The following ZFP1 variants were observed in gnomAD, a reference collection of about 807,000 sequenced individuals.
ZFP1 encodes the protein ZFP1 zinc finger protein.
Under a neutral mutation model 38.5 loss-of-function variants are expected in ZFP1, and 32 were observed. That is an observed-to-expected ratio of 0.83 (90% CI 0.63 to 1.12). The LOEUF (loss-of-function observed/expected upper bound fraction) is 1.12, where lower values mean the gene tolerates loss of function less well. Among genes scored for constraint, ZFP1 ranks in the 50% most tolerant of loss-of-function variants. The pLI is 0.00. For synonymous variants in ZFP1, 245 were observed against 168.8 expected (o/e 1.45, Z -3.50); for missense variants, 616 against 480.8 (o/e 1.28, Z -2.63).
chr16:75,133,055 A>G, the ZFP1 span, among the ~76,000 whole-genome samples: 4 of 150,962 alleles, frequency 2.6e-5, no homozygotes, highest in Non-Finnish European at 4.4e-5. Context: ...TTGGCTCACC[A>G]CAACCTCTAC....
the ZFP1 span, among the ~76,000 whole-genome samples, chr16:75,138,463 A>G: frequency 6.6e-6 from 1 of 152,218 alleles, no homozygotes; most frequent in East Asian, 1.9e-4. Flanking sequence ...CAAGGTCGAT[A>G]TTAACACTCA....
At chr16:75,167,789 A>G (rs2145578728) in intron 3 of ZFP1, among the ~76,000 whole-genome samples, 1 of 152,218 alleles carries the variant, frequency 6.6e-6, no homozygotes, top group African/African-American at 2.4e-5. Flanking sequence ...TGTAGAGACA[A>G]GTTCTCTGTA....
At chr16:75,126,535 C>T in the ZFP1 span, among the ~76,000 whole-genome samples, 70 of 152,160 alleles carry the variant, frequency 4.6e-4, no homozygotes, top group Non-Finnish European at 1.8e-4. Flanking sequence ...TCCTGGGTGG[C>T]TAGGATTACA....
upstream of ZFP1, among the ~76,000 whole-genome samples, chr16:75,147,111 A>G (rs974623944): frequency 1.4e-4 from 22 of 152,108 alleles, no homozygotes; most frequent in African/African-American, 5.3e-4. Flanking sequence ...AATATCAGAG[A>G]TTTCCAGGGG....
intron 2 of ZFP1, among the ~76,000 whole-genome samples, chr16:75,161,404 G>T (rs935885593): frequency 2.0e-5 from 3 of 151,644 alleles, no homozygotes; most frequent in Non-Finnish European, 4.4e-5. Context: ...TTGTTGTTCT[G>T]TGCCATGGTT....
chr16:75,129,033 G>A, the ZFP1 span, among the ~76,000 whole-genome samples: 30 of 152,078 alleles, frequency 2.0e-4, no homozygotes, highest in South Asian at 8.3e-4. Context: ...CAGGTGATCC[G>A]CCTGCCTCAG....
At chr16:75,143,906 G>A (rs1365728597), upstream of ZFP1, among the ~76,000 whole-genome samples, 1 of 151,950 alleles carries the variant, frequency 6.6e-6, no homozygotes, top group Non-Finnish European at 1.5e-5. Context: ...TGCCTGCCTT[G>A]GCCTCCCAAA....
chr16:75,143,535 T>G (rs1043499957), upstream of ZFP1, among the ~76,000 whole-genome samples: 3 of 152,046 alleles, frequency 2.0e-5, no homozygotes, highest in Admixed American at 6.6e-5. Flanking sequence ...CGTGAGCCAC[T>G]GTGCCCAGCC....
intron 2 of ZFP1, among the ~76,000 whole-genome samples, chr16:75,162,898 G>A (rs993260168): frequency 2.1e-5 from 3 of 146,150 alleles, no homozygotes; most frequent in Non-Finnish European, 4.5e-5. Flanking sequence ...TATTTTAAAT[G>A]TATTAAAATG....
At chr16:75,121,510 T>G in the ZFP1 span, among the ~76,000 whole-genome samples, 1 of 152,180 alleles carries the variant, frequency 6.6e-6, no homozygotes, top group Admixed American at 6.6e-5. Flanking sequence ...TACCTTATGA[T>G]GTAAATTTTG....
At chr16:75,152,520 AT>A (rs984932264) in intron 1 of ZFP1, among the ~76,000 whole-genome samples, 2 of 152,066 alleles carry the variant, frequency 1.3e-5, no homozygotes, top group African/African-American at 4.8e-5. Context: ...TTTCCATTTG[AT>A]TTTTTCTTGC....
In ZFP1 at chr16:75,169,538, A is replaced by G. The variant is rs780989273; in HGVS notation, c.428A>G (p.Tyr143Cys). Residue 143 changes from tyrosine to cysteine, a missense_variant, in exon 4 of 4, where the codon TAC becomes TGC. By Grantham distance (194) the Tyr-to-Cys change is radical. Coordinates refer to ENST00000570010, the MANE Select transcript of ZFP1 (RefSeq NM_153688.4). ...ECNEFGKALL[Y>C]LKQEKTHSGV... ...AATGAATTTGGAAAAGCACTTCTCTACCTGAAGCAAGAGAAAACCCACAGT... is the reference window on the plus strand; with the variant it reads ...AATGAATTTGGAAAAGCACTTCTCTGCCTGAAGCAAGAGAAAACCCACAGT... 2.5e-6 allele frequency: 4 copies of G among 1,612,716 alleles called. No individual in the cohort carries two copies. Among genetic ancestry groups the G allele is most frequent in the African/African-American group, 1.3e-5 (1 of 74,900 alleles).
intron 2 of ZFP1, among the ~76,000 whole-genome samples, chr16:75,154,818 G>C (rs2037391581): frequency 6.6e-6 from 1 of 151,822 alleles, no homozygotes; most frequent in Non-Finnish European, 1.5e-5. Context: ...TTTTTTTTGA[G>C]ATGGAGTCTT....
At chr16:75,141,662 G>T in the ZFP1 span, among the ~76,000 whole-genome samples, 1 of 151,876 alleles carries the variant, frequency 6.6e-6, no homozygotes, top group African/African-American at 2.4e-5. Context: ...AGGTTTGGGA[G>T]GATTGCTTGA....
At chr16:75,158,217 C>T (rs916403732) in intron 2 of ZFP1, among the ~76,000 whole-genome samples, 2 of 151,840 alleles carry the variant, frequency 1.3e-5, no homozygotes, top group Non-Finnish European at 2.9e-5. Context: ...TTGATCCAGC[C>T]TGTTTCTTTT....
the ZFP1 span, chr16:75,126,285 G>GACT: frequency 1.3e-5 from 2 of 152,276 alleles, no homozygotes; most frequent in Admixed American, 6.6e-5. Context: ...AAGTAGCTGG[G>GACT]ACTACAGGCG....
At chr16:75,160,374 C>CCCCATCTGTACTAAT (rs1443084272) in intron 2 of ZFP1, among the ~76,000 whole-genome samples, 1 of 152,010 alleles carries the variant, frequency 6.6e-6, no homozygotes, top group Non-Finnish European at 1.5e-5. Flanking sequence ...CTGTACTAAA[C>CCCCATCTGTACTAAT]CCCATCTGTA....
chr16:75,134,577 C>G, the ZFP1 span, among the ~76,000 whole-genome samples: 1 of 149,406 alleles, frequency 6.7e-6, no homozygotes, highest in Non-Finnish European at 1.5e-5. Flanking sequence ...ATGGTGAAAC[C>G]CCGTCTCTAC....
intron 2 of ZFP1, among the ~76,000 whole-genome samples, chr16:75,161,134 C>G (rs8050738): frequency 0.78 from 119,155 of 151,990 alleles, 47,867 homozygotes; most frequent in Non-Finnish European, 0.87. Context: ...GTGGCACCAT[C>G]TTGGCTCACT....
Sources: gnomAD v4.1 joint callset for allele counts (sites outside exome capture counted in the v4.1 genomes callset) on GRCh38, gnomAD v4.1.1 for gene constraint, MANE v1.5 for transcripts, NCBI Gene and HGNC (gene_info 2026-07-23, HGNC 2026-07-21) for gene names.